The following SLC51A variants were observed in gnomAD, a reference collection of about 807,000 sequenced individuals.
SLC51A encodes organic solute transporter subunit alpha.
SLC51A carries 22 observed loss-of-function variants against 34.8 expected under a neutral mutation model. That is an observed-to-expected ratio of 0.63 (90% confidence interval 0.45 to 0.90). The LOEUF (loss-of-function observed/expected upper bound fraction) is 0.90, where lower values mean the gene tolerates loss of function less well. Among genes scored for constraint, SLC51A ranks in the 40% least tolerant of loss-of-function variants. The pLI is 0.00. For synonymous variants in SLC51A, 181 were observed against 176.3 expected, an observed-to-expected ratio of 1.03 and a Z score of -0.21; for missense variants, 371 against 414.8, an observed-to-expected ratio of 0.89 and a Z score of 0.92.
chr3:196,229,506 T>C (rs1431039572), intron 6 of SLC51A, among the ~76,000 whole-genome samples: 1 of 150,632 alleles, frequency 6.6e-6, no homozygotes, highest in Non-Finnish European at 1.5e-5. Flanking sequence ...GCCTCCTGAG[T>C]AGCTGGGATT....
chr3:196,227,475 A>G (rs555666940), intron 3 of SLC51A, 189 bp from the exon 4 acceptor site: 2 of 617,612 alleles, frequency 3.2e-6, no homozygotes, highest in East Asian at 5.5e-5. Context: ...CCTTACGCTG[A>G]GGCTTTTGAA....
intron 2 of SLC51A, among the ~76,000 whole-genome samples, chr3:196,219,007 C>T (rs1323880263): frequency 1.3e-5 from 2 of 152,182 alleles, no homozygotes; most frequent in Non-Finnish European, 2.9e-5. Flanking sequence ...AGGTGGATCA[C>T]TTGAAGCCAG....
chr3:196,230,903 C>T (rs948440383), intron 7 of SLC51A, among the ~76,000 whole-genome samples: 14 of 152,188 alleles, frequency 9.2e-5, no homozygotes, highest in East Asian at 3.8e-4. Flanking sequence ...TCACGAGTAC[C>T]GGGGGGCAGG....
chr3:196,228,888 C>T lies in SLC51A; in HGVS notation c.601C>T (p.Leu201Phe). The T allele has an allele frequency of 6.2e-7, 1 of 1,614,166 alleles. No homozygotes were observed. The highest frequency in any genetic ancestry group is 8.5e-7 in the Non-Finnish European group (1 of 1,180,018). The change falls in exon 6 of 9, where the codon CTC (leucine) becomes TTC (phenylalanine). Residue 201 changes from leucine (L) to phenylalanine (F), a missense_variant. By Grantham distance (22) the Leu-to-Phe change is conservative. Coordinates refer to ENST00000296327, the MANE Select transcript of SLC51A (RefSeq NM_152672.6). This position sits in a 1 kb window ranked among gnomAD's most constrained non-coding sequence, Gnocchi z 4.9. ...KITLTLVGLF[L>F]VPDGIYDPAD... ...AACGCTGACCCTGGTGGGCCTGTTT[C>T]TCGTCCCCGACGGCATCTATGACCC... is the stretch of plus-strand genomic sequence containing the variant.
At chr3:196,227,457 A>C in intron 3 of SLC51A, 1 of 601,866 alleles carries the variant, frequency 1.7e-6, no homozygotes, top group Non-Finnish European at 3.0e-6. Context: ...GGTCACACTC[A>C]GCTCCACCCT....
At chr3:196,231,994 C>G (rs909487604) in intron 7 of SLC51A, among the ~76,000 whole-genome samples, 4 of 152,204 alleles carry the variant, frequency 2.6e-5, no homozygotes, top group African/African-American at 9.7e-5. Context: ...CCTGCAGTCT[C>G]TGGGATGGCA....
In SLC51A at chr3:196,227,088, G is replaced by A. The variant is rs759853415; in HGVS notation, c.257G>A (p.Arg86Gln). 41 of 1,613,984 alleles carry A rather than the reference G, an allele frequency of 2.5e-5. No homozygotes were observed. The highest frequency in any genetic ancestry group is 3.1e-5 in the Non-Finnish European group (36 of 1,180,036). ...AACACCCTTTGCCCCATCAAGAGGC[G>A]GACTCTGCTCTGGAAGAGCTCGGCA... The part of the protein sequence containing the change: ...YKNTLCPIKR[R>Q]TLLWKSSAPT... The change falls in exon 3 of 9, where the codon CGG becomes CAG. Residue 86 changes from arginine to glutamine, a missense_variant. Arg to Gln is a conservative substitution (Grantham distance 43, BLOSUM62 1). Coordinates refer to ENST00000296327, the MANE Select transcript of SLC51A (RefSeq NM_152672.6).
At chr3:196,229,827 T>G in intron 6 of SLC51A, 88 bp from the exon 7 acceptor site, 1 of 1,454,438 alleles carries the variant, frequency 6.9e-7, no homozygotes, top group African/African-American at 1.4e-5. Context: ...CACTTTCAGC[T>G]GGGTGACAGA....
intron 2 of SLC51A, among the ~76,000 whole-genome samples, chr3:196,224,152 C>T (rs919871774): frequency 5.9e-5 from 9 of 151,576 alleles, no homozygotes; most frequent in African/African-American, 1.9e-4. Flanking sequence ...AGCCACTGTG[C>T]CTAGCCCTTT....
At position 196,233,127 on chromosome 3, in the gene SLC51A, C is replaced by T. The variant is rs755853478; in HGVS notation, c.951C>T (p.Tyr317=). The T allele has an allele frequency of 9.3e-6, 15 of 1,614,100 alleles. No individual in the cohort carries two copies. In the South Asian group the frequency reaches 1.5e-4, roughly 17 times the overall value. The change falls in exon 9 of 9, where the codon TAC becomes TAT. Residue 317 remains tyrosine (Y), a synonymous_variant. Coordinates refer to ENST00000296327, the MANE Select transcript of SLC51A (RefSeq NM_152672.6). The part of the protein sequence containing the change: ...FLMTVLTRMY[Y]RRKDHKVGYE... ...TGACTGTGCTGACACGAATGTACTACCGAAGGAAAGACCACAAGGTTGGGT... is the reference window on the plus strand; with the variant it reads ...TGACTGTGCTGACACGAATGTACTATCGAAGGAAAGACCACAAGGTTGGGT...
At chr3:196,231,423 C>G (rs7637009) in intron 7 of SLC51A, among the ~76,000 whole-genome samples, 47,069 of 152,104 alleles carry the variant, frequency 0.31, 8,040 homozygotes, top group East Asian at 0.75. Flanking sequence ...TCCATCCTGT[C>G]TCCTTGCTGG....
At chr3:196,220,571 T>G (rs942152906) in intron 2 of SLC51A, among the ~76,000 whole-genome samples, 1 of 152,104 alleles carries the variant, frequency 6.6e-6, no homozygotes, top group Non-Finnish European at 1.5e-5. Flanking sequence ...CACTCCAGCC[T>G]GGGTGACAGA....
chr3:196,223,002 C>T (rs1245888100), intron 2 of SLC51A, among the ~76,000 whole-genome samples: 1 of 151,794 alleles, frequency 6.6e-6, no homozygotes, highest in Non-Finnish European at 1.5e-5. Context: ...TCAGAATCTG[C>T]CCCACCCTCA....
chr3:196,224,722 A>AT (rs1723853362), intron 2 of SLC51A, among the ~76,000 whole-genome samples: 6 of 34,976 alleles, frequency 1.7e-4, no homozygotes, highest in African/African-American at 3.3e-4. Flanking sequence ...ATGGGAGGGG[A>AT]GGAGAGGGGA....
rs1723998088 is a variant in SLC51A at position 196,230,086 on chromosome 3, G to T, written c.780+25G>T. On this transcript the variant is annotated intron_variant, in intron 7 of 8. Coordinates refer to ENST00000296327, the MANE Select transcript of SLC51A (RefSeq NM_152672.6). The stretch of plus-strand genomic sequence containing the variant: ...GGTAACTATACCCTGGGAGAGAAAA[G>T]ATGTTTCATAACCGAGCTACAGATA... The T allele has an allele frequency of 3.8e-6, 6 of 1,585,580 alleles. No homozygotes were observed. The Admixed American group carries it at 9.0e-5, about 24-fold the overall frequency.
intron 2 of SLC51A, chr3:196,223,876 T>C (rs1238965912): frequency 2.1e-5 from 8 of 374,950 alleles, no homozygotes; most frequent in Admixed American, 1.7e-4. Flanking sequence ...TTTTTTTTTT[T>C]TCAGACAGAG....
At chr3:196,230,181 T>G (rs977880720) in intron 7 of SLC51A, 120 bp downstream of exon 7, 3 of 966,112 alleles carry the variant, frequency 3.1e-6, no homozygotes, top group Non-Finnish European at 2.9e-6. Flanking sequence ...GCCTCACGTC[T>G]CTCATGAGAT....
intron 2 of SLC51A, among the ~76,000 whole-genome samples, chr3:196,224,573 G>A (rs1291657261): frequency 1.3e-5 from 2 of 151,514 alleles, no homozygotes; most frequent in Non-Finnish European, 2.9e-5. Flanking sequence ...CTACTTGGGA[G>A]GCTGAGGCAG....
intron 2 of SLC51A, among the ~76,000 whole-genome samples, chr3:196,218,619 G>A (rs1042665184): frequency 6.6e-6 from 1 of 152,194 alleles, no homozygotes; most frequent in African/African-American, 2.4e-5. Flanking sequence ...CCCGAGGCCA[G>A]CTCAAGTTCA....
Sources: gnomAD v4.1 joint callset for allele counts (sites outside exome capture counted in the v4.1 genomes callset) on GRCh38, gnomAD v4.1.1 for gene constraint, Gnocchi (gnomAD v3.1) non-coding constraint, MANE v1.5 for transcripts, NCBI Gene and HGNC (gene_info 2026-07-23, HGNC 2026-07-21) for gene names.